Variants in CBLN2 observed in about 807,000 individuals in gnomAD.
CBLN2 encodes cerebellin-2.
In CBLN2, 7 loss-of-function variants were observed where a neutral mutation model predicts 15.0. The ratio of observed to expected loss-of-function variants is 0.47; its 90% CI spans 0.27 to 0.88. The LOEUF (loss-of-function observed/expected upper bound fraction) is 0.88, where lower values mean the gene tolerates loss of function less well. CBLN2 is among the 40% of genes least tolerant of loss of function. The probability of loss-of-function intolerance (pLI) is 0.14; values close to 1 mark genes in which losing one functional copy is unlikely to be tolerated. For synonymous variants in CBLN2, 149 were observed against 135.2 expected (o/e 1.10, Z -0.71); for missense variants, 242 against 304.5 (o/e 0.79, Z 1.53).
chr18:72,615,744 T>C (rs1212936204), intron 1 of CBLN2, among the ~76,000 whole-genome samples: 2 of 152,192 alleles, frequency 1.3e-5, no homozygotes, highest in African/African-American at 2.4e-5. Flanking sequence ...AACATACTTA[T>C]TTCATGACGT....
intron 1 of CBLN2, among the ~76,000 whole-genome samples, chr18:72,614,906 T>TAC (rs2069646663): frequency 6.6e-6 from 1 of 150,930 alleles, no homozygotes; most frequent in Non-Finnish European, 1.5e-5. Context: ...TTAACATAGT[T>TAC]ATGTATTACA....
intron 1 of CBLN2, among the ~76,000 whole-genome samples, chr18:72,558,735 T>C (rs2069241712): frequency 6.6e-6 from 1 of 152,206 alleles, no homozygotes; most frequent in South Asian, 2.1e-4. Flanking sequence ...AAATATTTTC[T>C]ATTGTATAAG....
chr18:72,591,050 G>T lies in CBLN2; in HGVS notation c.15+47275C>A, dbSNP rs1449956712. 3.3e-5 allele frequency among the ~76,000 whole-genome samples: 5 copies of T among 152,156 alleles called. No homozygotes were observed. In the South Asian group the frequency reaches 8.3e-4, roughly 25 times the overall value. On this transcript the variant is annotated intron_variant, in intron 1 of 2. Transcript: ENST00000581073. ...TATTCAGCCCATCTCTAGCTGTAAG[G>T]GTGTTTTTCCTGAATCTAATCATCA...
intron 1 of CBLN2, among the ~76,000 whole-genome samples, chr18:72,550,911 T>C (rs1433663206): frequency 6.6e-6 from 1 of 152,160 alleles, no homozygotes; most frequent in African/African-American, 2.4e-5. Flanking sequence ...TATACGGCTA[T>C]ATTCTTAATA....
chr18:72,601,538 G>A (rs1452743299), intron 1 of CBLN2, among the ~76,000 whole-genome samples: 1 of 152,188 alleles, frequency 6.6e-6, no homozygotes, highest in Non-Finnish European at 1.5e-5. Context: ...GGAGGCGCCT[G>A]TTAGCCCAAG....
chr18:72,562,376 C>A (rs1199151986), intron 1 of CBLN2, among the ~76,000 whole-genome samples: 2 of 152,012 alleles, frequency 1.3e-5, no homozygotes, highest in East Asian at 3.9e-4. Context: ...TAAAGTATAT[C>A]TCAAGCACAG....
In CBLN2 at chr18:72,608,481, T is replaced by C. The variant is rs373631685; in HGVS notation, c.15+29844A>G. On this transcript the variant is annotated intron_variant, in intron 1 of 2. Transcript: ENST00000581073. ...GCACCTGGGTGCACTTAAACCTTCA[T>C]AAATTCAGTCTCACATTTCCTGATC... 2.0e-4 allele frequency among the ~76,000 whole-genome samples: 31 copies of C among 152,314 alleles called. No individual in the cohort carries two copies. In the East Asian group the frequency reaches 4.6e-3, roughly 23 times the overall value.
At chr18:72,566,655 G>A (rs1047284847) in intron 1 of CBLN2, among the ~76,000 whole-genome samples, 14 of 152,248 alleles carry the variant, frequency 9.2e-5, no homozygotes, top group African/African-American at 3.4e-4. Flanking sequence ...TGGAGGGTAG[G>A]AGCAAGGACA....
chr18:72,544,048 T>G lies in CBLN2; in HGVS notation c.-283A>C, dbSNP rs1031106757. On this transcript the variant is annotated 5_prime_UTR_variant, in exon 1 of 5. Transcript: ENST00000269503. ...AGACACCCTTAAAAGCACCGGTCGC[T>G]TCTCTTCTTTTAGATTCTTTCTTTT... The G allele has an allele frequency of 1.3e-5, 2 of 151,082 alleles. No homozygotes were observed. Among genetic ancestry groups the G allele is most frequent in the African/African-American group, 4.9e-5 (2 of 41,168 alleles). The allele number at this position is 151,082 out of a possible 1,614,324, so 9.4% of individuals were successfully genotyped here.
chr18:72,634,560 G>A (rs370580618), intron 1 of CBLN2, among the ~76,000 whole-genome samples: 2 of 152,082 alleles, frequency 1.3e-5, no homozygotes, highest in East Asian at 1.9e-4. Context: ...AGGATGTGAT[G>A]GACGTGCAGA....
chr18:72,629,351 G>A (rs2069760451), intron 1 of CBLN2, among the ~76,000 whole-genome samples: 2 of 151,820 alleles, frequency 1.3e-5, no homozygotes, highest in Admixed American at 1.3e-4. Flanking sequence ...TTAAAAGCAT[G>A]TCCTAGAAAC....
chr18:72,634,500 C>T (rs1364918227), intron 1 of CBLN2, among the ~76,000 whole-genome samples: 1 of 152,008 alleles, frequency 6.6e-6, no homozygotes, highest in Non-Finnish European at 1.5e-5. Flanking sequence ...TAAATTGTAT[C>T]TTTCCTGGGA....
At chr18:72,637,732 G>A (rs540762580) in intron 1 of CBLN2, among the ~76,000 whole-genome samples, 2 of 144,100 alleles carry the variant, frequency 1.4e-5, no homozygotes, top group Admixed American at 7.4e-5. Flanking sequence ...AGATTGACAG[G>A]GGAACCCCCC....
intron 1 of CBLN2, among the ~76,000 whole-genome samples, chr18:72,610,041 A>T (rs2069611509): frequency 6.6e-6 from 1 of 152,100 alleles, no homozygotes; most frequent in African/African-American, 2.4e-5. Flanking sequence ...CTGGTTGTCA[A>T]CCCAGGGCCA....
intron 1 of CBLN2, among the ~76,000 whole-genome samples, chr18:72,626,635 G>T (rs990912512): frequency 3.9e-5 from 6 of 152,092 alleles, no homozygotes; most frequent in East Asian, 1.9e-4. Flanking sequence ...AGGAGACAGA[G>T]GTAGCAGTGA....
intron 1 of CBLN2, among the ~76,000 whole-genome samples, chr18:72,558,861 C>G (rs1036717413): frequency 6.6e-6 from 1 of 152,096 alleles, no homozygotes; most frequent in African/African-American, 2.4e-5. Context: ...CAAGACCAAC[C>G]TGGCCAACAT....
At chr18:72,579,640 G>A (rs2069389923) in intron 1 of CBLN2, among the ~76,000 whole-genome samples, 2 of 152,052 alleles carry the variant, frequency 1.3e-5, no homozygotes, top group African/African-American at 2.4e-5. Flanking sequence ...GCTGAGGCAG[G>A]AGAATTGCTT....
intron 1 of CBLN2, among the ~76,000 whole-genome samples, chr18:72,605,730 T>C (rs1047279123): frequency 2.0e-5 from 3 of 152,220 alleles, no homozygotes; most frequent in Non-Finnish European, 4.4e-5. Flanking sequence ...AGTTTTCTAA[T>C]ATATAATTTT....
chr18:72,575,005 G>A lies in CBLN2; in HGVS notation c.16-36233C>T, dbSNP rs532940908. The stretch of plus-strand genomic sequence containing the variant: ...ACAGGTCGGGGCAAGGGAGTTGAGA[G>A]TGTTTGGGTGGAAGTGATTATAGTG... On this transcript the variant is annotated intron_variant, in intron 1 of 2. Transcript: ENST00000581073. Among the ~76,000 whole-genome samples the A allele has an allele frequency of 4.6e-5, 7 of 152,284 alleles. No homozygotes were observed. In the East Asian group the frequency reaches 1.2e-3, roughly 25 times the overall value.
Sources: gnomAD v4.1 joint callset for allele counts (sites outside exome capture counted in the v4.1 genomes callset) on GRCh38, gnomAD v4.1.1 for gene constraint, MANE v1.5 for transcripts, NCBI Gene and HGNC (gene_info 2026-07-23, HGNC 2026-07-21) for gene names.